Variants in COG2 observed in about 807,000 individuals in gnomAD.
The protein encoded by COG2 is conserved oligomeric Golgi complex subunit 2.
In COG2, 52 loss-of-function variants were observed where a neutral mutation model predicts 90.6. The ratio of observed to expected loss-of-function variants is 0.57; its 90% CI spans 0.46 to 0.72. The LOEUF (loss-of-function observed/expected upper bound fraction) is 0.72, where lower values mean the gene tolerates loss of function less well. Among genes scored for constraint, COG2 ranks in the 30% least tolerant of loss-of-function variants. COG2 has a pLI of 0.00. For synonymous variants in COG2, 337 were observed against 320.4 expected (o/e 1.05, Z -0.55); for missense variants, 829 against 891.2 (o/e 0.93, Z 0.89).
In COG2 at chr1:230,642,544, G is replaced by A; in HGVS notation, c.-63G>A. 6.5e-7 allele frequency: 1 copy of A among 1,536,360 alleles called. No homozygotes were observed. The highest frequency in any genetic ancestry group is 8.9e-7 in the Non-Finnish European group (1 of 1,127,366). Reference sequence around the variant, plus strand: ...GGCGGTGGCCGCGGCCGCCGAGTCGGTCTGCGCAGCCTCCTGCGTTTTCTC... The same window carrying A: ...GGCGGTGGCCGCGGCCGCCGAGTCGATCTGCGCAGCCTCCTGCGTTTTCTC... On this transcript the variant is annotated 5_prime_UTR_variant, in exon 1 of 18. Transcript: ENST00000366669.
chr1:230,659,956 A>G (rs757849706), intron 2 of COG2, among the ~76,000 whole-genome samples: 8 of 152,348 alleles, frequency 5.3e-5, no homozygotes, highest in South Asian at 2.1e-4. Context: ...GCAAATATCA[A>G]CTGTTCTTAA....
intron 2 of COG2, among the ~76,000 whole-genome samples, chr1:230,660,526 T>C (rs2102750137): frequency 6.6e-6 from 1 of 152,340 alleles, no homozygotes; most frequent in East Asian, 1.9e-4. Flanking sequence ...TTATTTATTA[T>C]GACTTCTCTT....
At chr1:230,670,549 A>T (rs1012839885) in intron 7 of COG2, 1 of 152,200 alleles carries the variant, frequency 6.6e-6, no homozygotes, top group Non-Finnish European at 1.5e-5. Flanking sequence ...ATATCATGTT[A>T]TATTCCATAG....
At chr1:230,683,480 G>A in intron 10 of COG2, 94 bp from the exon 11 acceptor site, 1 of 884,840 alleles carries the variant, frequency 1.1e-6, no homozygotes, top group South Asian at 1.4e-5. Context: ...AGTGACAGAG[G>A]AAGTTCCTGT....
intron 9 of COG2, among the ~76,000 whole-genome samples, chr1:230,677,450 A>T (rs1011771188): frequency 5.3e-5 from 8 of 152,208 alleles, no homozygotes; most frequent in Non-Finnish European, 5.9e-5. Context: ...AACTTACCTT[A>T]TCTGTTGGCT....
At chr1:230,684,311 A>G (rs1662832809) in intron 11 of COG2, 1 of 152,334 alleles carries the variant, frequency 6.6e-6, no homozygotes, top group African/African-American at 2.4e-5. Context: ...CAGGCTGAGG[A>G]CTGGTCTGCA....
intron 9 of COG2, among the ~76,000 whole-genome samples, chr1:230,675,721 C>T (rs1170536027): frequency 6.6e-6 from 1 of 152,152 alleles, no homozygotes; most frequent in Non-Finnish European, 1.5e-5. Context: ...TAGCTCACTG[C>T]AGTCTTCGAC....
intron 1 of COG2, among the ~76,000 whole-genome samples, chr1:230,652,388 C>G (rs1661935019): frequency 6.6e-6 from 1 of 152,164 alleles, no homozygotes; most frequent in African/African-American, 2.4e-5. Context: ...TGATATAGCT[C>G]ATCTCTTTTT....
In COG2 at chr1:230,663,178, T is replaced by C. The variant is rs1662230155; in HGVS notation, c.338T>C (p.Val113Ala). Residue 113 changes from valine to alanine, a missense_variant, in exon 4 of 18, where the codon GTT becomes GCT. Transcript: ENST00000366669. ...TCTGTCAGTGAAGGAATTCGGGCAG[T>C]TGATGAACGAATGTCTAAACAAGAG... ...RSSVSEGIRA[V>A]DERMSKQEDI... 1 of 1,611,360 alleles carries C rather than the reference T, an allele frequency of 6.2e-7. No individual in the cohort carries two copies. The highest frequency in any genetic ancestry group is 8.5e-7 in the Non-Finnish European group (1 of 1,178,710).
At chr1:230,651,013 G>A (rs1467343526) in intron 1 of COG2, among the ~76,000 whole-genome samples, 1 of 152,156 alleles carries the variant, frequency 6.6e-6, no homozygotes, top group Non-Finnish European at 1.5e-5. Context: ...ACATACAGGA[G>A]CTTATACTAA....
intron 1 of COG2, chr1:230,642,898 A>ACAC (rs1661661709): frequency 1.8e-6 from 1 of 545,220 alleles, no homozygotes; most frequent in African/African-American, 2.0e-5. Flanking sequence ...TTACATGGAA[A>ACAC]GGCCTGAAAG....
chr1:230,692,166 T>A (rs1240443563), intron 17 of COG2, among the ~76,000 whole-genome samples: 2 of 152,048 alleles, frequency 1.3e-5, no homozygotes, highest in African/African-American at 4.8e-5. Context: ...TTTATGATAC[T>A]GTGAGGACAG....
intron 1 of COG2, among the ~76,000 whole-genome samples, chr1:230,645,879 G>A (rs1482527091): frequency 6.6e-6 from 1 of 152,044 alleles, no homozygotes. Flanking sequence ...AGAATCTAGT[G>A]CTGCCACTGA....
In COG2 at chr1:230,671,541, C is replaced by G; in HGVS notation, c.800C>G (p.Ser267Cys). ...GTGATTATAGAGCAGTTTGTTGAATCTCATCCCAATGGCCTTCAGGTCATG... is the reference window on the plus strand; with the variant it reads ...GTGATTATAGAGCAGTTTGTTGAATGTCATCCCAATGGCCTTCAGGTCATG... ...DEVIIEQFVESHPNGLQVMYN... is the reference protein window; with the variant it reads ...DEVIIEQFVECHPNGLQVMYN... The change falls in exon 8 of 18, where the codon TCT (serine) becomes TGT (cysteine). Residue 267 changes from serine (S) to cysteine (C), a missense_variant. Coordinates refer to ENST00000366669, the MANE Select transcript of COG2 (RefSeq NM_007357.3). 2 of 1,613,100 alleles carry G rather than the reference C, an allele frequency of 1.2e-6. No homozygotes were observed. Among genetic ancestry groups the G allele is most frequent in the Non-Finnish European group, 1.7e-6 (2 of 1,179,356 alleles).
rs182631965 is a variant in COG2 at position 230,677,315 on chromosome 1, C to T, written c.1027-1598C>T. On this transcript the variant is annotated intron_variant, in intron 9 of 17. Coordinates refer to ENST00000366669, the MANE Select transcript of COG2 (RefSeq NM_007357.3). ...TTTGTTGTTTGTCTAGCCTCCCTGGCGAATTTGTTTATTAATTTTTTAAGT... is the reference window on the plus strand; with the variant it reads ...TTTGTTGTTTGTCTAGCCTCCCTGGTGAATTTGTTTATTAATTTTTTAAGT... Among the ~76,000 whole-genome samples, 125 of 152,150 alleles carry T rather than the reference C, an allele frequency of 8.2e-4. 1 individual carries two copies. The highest frequency in any genetic ancestry group is 5.0e-3 in the Admixed American group (77 of 15,286).
At chr1:230,692,602 G>T (rs1410144) in intron 17 of COG2, among the ~76,000 whole-genome samples, 69,565 of 151,930 alleles carry the variant, frequency 0.46, 17,734 homozygotes, top group East Asian at 0.79. Context: ...AAGGAAGGAA[G>T]GAGAGTGGGA....
chr1:230,675,668 G>A (rs1662572344), intron 9 of COG2, among the ~76,000 whole-genome samples: 1 of 151,660 alleles, frequency 6.6e-6, no homozygotes, highest in African/African-American at 2.4e-5. Flanking sequence ...TTTGAAACAG[G>A]GTCTTACTGT....
At chr1:230,689,943 T>G (rs1662982549) in intron 15 of COG2, 71 bp from the exon 16 acceptor site, 1 of 1,432,036 alleles carries the variant, frequency 7.0e-7, no homozygotes, top group African/African-American at 1.5e-5. Flanking sequence ...TGGACTTGAG[T>G]TCTGGGTAAC....
chr1:230,669,156 ATTC>A (rs1325989082), intron 6 of COG2, 197 bp from the exon 7 acceptor site: 7 of 508,000 alleles, frequency 1.4e-5, no homozygotes, highest in East Asian at 1.2e-4. Flanking sequence ...TTCTGTCTAA[ATTC>A]TTCTTTGATG....
Sources: gnomAD v4.1 joint callset for allele counts (sites outside exome capture counted in the v4.1 genomes callset) on GRCh38, gnomAD v4.1.1 for gene constraint, MANE v1.5 for transcripts, NCBI Gene and HGNC (gene_info 2026-07-23, HGNC 2026-07-21) for gene names.